PWP1: variants seen among roughly 807,000 people sequenced by gnomAD.
PWP1 encodes the protein PWP1 homolog, endonuclein, also known as periodic tryptophan protein 1 homolog.
In PWP1, 47 loss-of-function variants were observed where a neutral mutation model predicts 69.9. That is an observed-to-expected ratio of 0.67 (90% CI 0.53 to 0.86). The LOEUF (loss-of-function observed/expected upper bound fraction) is 0.86, where lower values mean the gene tolerates loss of function less well. Ranked by LOEUF, PWP1 falls within the 40% of genes least tolerant of loss-of-function variation. The probability of loss-of-function intolerance (pLI) is 0.00; values close to 1 mark genes in which losing one functional copy is unlikely to be tolerated. For synonymous variants in PWP1, 222 were observed against 208.2 expected, an observed-to-expected ratio of 1.07 and a Z score of -0.57; for missense variants, 551 against 608.8, an observed-to-expected ratio of 0.91 and a Z score of 1.00.
Position 107,688,811 on chromosome 12 carries a change from A to G in PWP1, c.319+9A>G, listed in dbSNP as rs1235367612. 1.2e-6 allele frequency: 2 copies of G among 1,611,034 alleles called. No individual in the cohort carries two copies. The highest frequency in any genetic ancestry group is 1.3e-5 in the African/African-American group (1 of 74,854). ...TGAGGAAGGTGACCCAGGTTAGTTT[A>G]TCCACTTCTGATGGTTTGTAATTAC... On this transcript the variant is annotated intron_variant, in intron 3 of 14. Transcript: ENST00000412830.
At chr12:107,702,704 C>A (rs893051208) in intron 8 of PWP1, among the ~76,000 whole-genome samples, 1 of 152,200 alleles carries the variant, frequency 6.6e-6, no homozygotes, top group Non-Finnish European at 1.5e-5. Flanking sequence ...CATATTAACA[C>A]TATTAAGTCT....
At position 107,692,636 on chromosome 12, in the gene PWP1, C is replaced by T. The variant is rs1889501305; in HGVS notation, c.320-178C>T. ...TGAAATCCATTCCAAAGGTCAAATA[C>T]AAAAATGGCTTTTAAATTCCTGCTG... On this transcript the variant is annotated intron_variant, in intron 3 of 14. Coordinates refer to ENST00000412830, the MANE Select transcript of PWP1 (RefSeq NM_007062.3). 4 of 578,204 alleles carry T rather than the reference C, an allele frequency of 6.9e-6. No individual in the cohort carries two copies. The African/African-American group carries it at 7.6e-5, about 11-fold the overall frequency. 35.8% of individuals were successfully genotyped at this position (578,204 alleles called of 1,614,324 possible).
In PWP1 at chr12:107,688,444, A is replaced by C; in HGVS notation, c.73-4A>C. On this transcript the variant is annotated splice_polypyrimidine_tract_variant and splice_region_variant and intron_variant, in intron 1 of 14. Coordinates refer to ENST00000412830, the MANE Select transcript of PWP1 (RefSeq NM_007062.3). The stretch of plus-strand genomic sequence containing the variant: ...ATTGTAATGAAATCTTTGCTCTCTT[A>C]CAGGTAGAGCTGAGTAAAGAAGAAG... 6.2e-7 allele frequency: 1 copy of C among 1,609,940 alleles called. No homozygotes were observed. Among genetic ancestry groups the C allele is most frequent in the Non-Finnish European group, 8.5e-7 (1 of 1,178,770 alleles).
At chr12:107,693,674 T>C (rs1412936047) in intron 5 of PWP1, among the ~76,000 whole-genome samples, 1 of 152,178 alleles carries the variant, frequency 6.6e-6, no homozygotes, top group African/African-American at 2.4e-5. Context: ...TAGGCTACAG[T>C]GAGCTGTGAT....
chr12:107,710,042 T>C (rs1593151156), intron 13 of PWP1, among the ~76,000 whole-genome samples: 1 of 152,230 alleles, frequency 6.6e-6, no homozygotes, highest in African/African-American at 2.4e-5. Flanking sequence ...AAAAATGATT[T>C]AAACTGGCAT....
chr12:107,712,303 A>G lies in PWP1; in HGVS notation c.*83A>G. 1 of 976,756 alleles carries G rather than the reference A, an allele frequency of 1.0e-6. No homozygotes were observed. The highest frequency in any genetic ancestry group is 1.6e-6 in the Non-Finnish European group (1 of 618,856). The allele number at this position is 976,756 out of a possible 1,614,324, so 60.5% of individuals were successfully genotyped here. The stretch of plus-strand genomic sequence containing the variant: ...AAATGTTCCATGCGTGGCAGCAACC[A>G]TGCAGAGTGACTGAAACACAATTCA... On this transcript the variant is annotated 3_prime_UTR_variant, in exon 15 of 15. Coordinates refer to ENST00000412830, the MANE Select transcript of PWP1 (RefSeq NM_007062.3).
intron 3 of PWP1, among the ~76,000 whole-genome samples, chr12:107,690,474 G>T (rs1369190627): frequency 4.0e-5 from 6 of 151,728 alleles, no homozygotes; most frequent in Admixed American, 6.6e-5. Context: ...ACTTTTTTTT[G>T]TGTGTGTGAG....
Position 107,704,711 on chromosome 12 carries a change from A to T in PWP1, c.1041A>T (p.Arg347Ser), listed in dbSNP as rs754460018. 1.2e-6 allele frequency: 2 copies of T among 1,613,978 alleles called. No homozygotes were observed. Among genetic ancestry groups the T allele is most frequent in the South Asian group, 2.2e-5 (2 of 91,066 alleles). ...GGCGATTCAGTGGGCAGATAGAGAG[A>T]GTGACTTGGAATCACTTTTCACCTT... is the stretch of plus-strand genomic sequence containing the variant. The part of the protein sequence containing the change: ...RMWRFSGQIE[R>S]VTWNHFSPCH... The change falls in exon 11 of 15, where the codon AGA (arginine) becomes AGT (serine). Residue 347 changes from arginine (R) to serine (S), a missense_variant. Transcript: ENST00000412830.
intron 3 of PWP1, among the ~76,000 whole-genome samples, chr12:107,691,883 C>T (rs1465171512): frequency 6.6e-6 from 1 of 152,228 alleles, no homozygotes; most frequent in African/African-American, 2.4e-5. Flanking sequence ...ATCATTACCT[C>T]CATTTACCAG....
At chr12:107,705,708 C>CT (rs1301595598) in intron 11 of PWP1, among the ~76,000 whole-genome samples, 1 of 151,996 alleles carries the variant, frequency 6.6e-6, no homozygotes, top group Admixed American at 6.6e-5. Flanking sequence ...TGAACTCATT[C>CT]TTTTTTATGG....
At chr12:107,689,171 T>C (rs1020188368) in intron 3 of PWP1, among the ~76,000 whole-genome samples, 1 of 152,176 alleles carries the variant, frequency 6.6e-6, no homozygotes, top group Non-Finnish European at 1.5e-5. Context: ...AGTCCCCCCT[T>C]ATCCACGGTT....
chr12:107,701,311 G>A (rs1889705175), intron 8 of PWP1, among the ~76,000 whole-genome samples: 1 of 151,882 alleles, frequency 6.6e-6, no homozygotes, highest in South Asian at 2.1e-4. Flanking sequence ...CCTGTTTTTT[G>A]TGTTTGATGT....
rs1310330476 is a variant in PWP1, at chr12:107,712,864, A to ATAAG, written c.*646_*649dup. On this transcript the variant is annotated 3_prime_UTR_variant, in exon 15 of 15. Coordinates refer to ENST00000412830, the MANE Select transcript of PWP1 (RefSeq NM_007062.3). ...ACAAGGCATGGGAGATTCAGTGTGA[A>ATAAG]TAAGTCTTTGCTCTCCACCTAACAA... 6.6e-6 allele frequency: 1 copy of ATAAG among 152,252 alleles called. No homozygotes were observed. The highest frequency in any genetic ancestry group is 2.4e-5 in the African/African-American group (1 of 41,470). 9.4% of individuals were successfully genotyped at this position (152,252 alleles called of 1,614,324 possible). A position where few individuals can be genotyped will look rare whatever the true frequency, so the allele number is the denominator to read the frequency against.
chr12:107,688,775 G>T lies in PWP1; in HGVS notation c.292G>T (p.Asp98Tyr), dbSNP rs781298018. 6.8e-5 allele frequency: 109 copies of T among 1,613,916 alleles called. No homozygotes were observed. In the East Asian group the frequency reaches 2.4e-3, roughly 35 times the overall value. ...DDDELAEYDL[D>Y]KYDEEGDPDA... The stretch of plus-strand genomic sequence containing the variant: ...TGATGAGCTGGCTGAGTACGACTTA[G>T]ATAAATATGATGAGGAAGGTGACCC... The change falls in exon 3 of 15, where the codon GAT becomes TAT. Residue 98 changes from aspartate (D) to tyrosine (Y), a missense_variant. By Grantham distance (160) the Asp-to-Tyr change is radical. Coordinates refer to ENST00000412830, the MANE Select transcript of PWP1 (RefSeq NM_007062.3).
At chr12:107,701,585 A>G (rs1219352506) in intron 8 of PWP1, among the ~76,000 whole-genome samples, 1 of 152,136 alleles carries the variant, frequency 6.6e-6, no homozygotes, top group Admixed American at 6.5e-5. Context: ...ATTGAAGTCT[A>G]TGATCCATTT....
intron 7 of PWP1, among the ~76,000 whole-genome samples, chr12:107,698,576 T>C (rs1216386281): frequency 6.6e-6 from 1 of 152,158 alleles, no homozygotes; most frequent in Non-Finnish European, 1.5e-5. Flanking sequence ...GTAATGAAAT[T>C]TTTTTCTTTA....
intron 7 of PWP1, among the ~76,000 whole-genome samples, chr12:107,698,782 A>G (rs1889644391): frequency 1.3e-5 from 2 of 152,116 alleles, no homozygotes; most frequent in African/African-American, 4.8e-5. Flanking sequence ...TTGTAAAGAC[A>G]GAGTTTCGCT....
Position 107,711,528 on chromosome 12 carries a change from G to A in PWP1, c.1397-583G>A, listed in dbSNP as rs138878573. ...AGTTACCAGTGTGAATAAATCCACCGTTTGCTCAACTATAAAATTCTACAA... is the reference window on the plus strand; with the variant it reads ...AGTTACCAGTGTGAATAAATCCACCATTTGCTCAACTATAAAATTCTACAA... On this transcript the variant is annotated intron_variant, in intron 14 of 14. Transcript: ENST00000412830. 4.6e-5 allele frequency among the ~76,000 whole-genome samples: 7 copies of A among 152,232 alleles called. No individual in the cohort carries two copies. The East Asian group carries it at 5.8e-4, about 13-fold the overall frequency.
At chr12:107,689,483 C>G (rs1035480226) in intron 3 of PWP1, among the ~76,000 whole-genome samples, 3 of 152,168 alleles carry the variant, frequency 2.0e-5, no homozygotes, top group African/African-American at 4.8e-5. Flanking sequence ...ACGTGACTCA[C>G]GCCTGTAATC....
Sources: gnomAD v4.1 joint callset for allele counts (sites outside exome capture counted in the v4.1 genomes callset) on GRCh38, gnomAD v4.1.1 for gene constraint, MANE v1.5 for transcripts, NCBI Gene and HGNC (gene_info 2026-07-23, HGNC 2026-07-21) for gene names.